The following CAMTA1 variants were observed in gnomAD, a reference collection of about 807,000 sequenced individuals.
CAMTA1 encodes calmodulin-binding transcription activator 1.
A neutral mutation model predicts 170.9 loss-of-function variants in CAMTA1; 27 were observed. That is an observed-to-expected ratio of 0.16 (90% CI 0.12 to 0.22). The LOEUF (loss-of-function observed/expected upper bound fraction) is 0.22. CAMTA1 is among the 10% of genes least tolerant of loss of function. CAMTA1 has a pLI of 1.00. For missense variants in CAMTA1, 1,619 were observed against 2,217.2 expected, an observed-to-expected ratio of 0.73 and a Z score of 5.42; for synonymous variants, 833 against 891.5, an observed-to-expected ratio of 0.93 and a Z score of 1.17.
intron 6 of CAMTA1, among the ~76,000 whole-genome samples, chr1:7,517,035 C>T (rs947021005): frequency 3.3e-5 from 5 of 152,114 alleles, no homozygotes; most frequent in Admixed American, 1.3e-4. Flanking sequence ...AACTTCTGAG[C>T]TCTTTCTGGG....
At position 7,728,089 on chromosome 1, in the gene CAMTA1, G is replaced by A. The variant is rs113860318; in HGVS notation, c.2915-4359G>A. 6.0e-4 allele frequency among the ~76,000 whole-genome samples: 92 copies of A among 152,334 alleles called. 1 individual carries two copies. In the Middle Eastern group the frequency reaches 0.01, roughly 17 times the overall value. On this transcript the variant is annotated intron_variant, in intron 11 of 22. Coordinates refer to ENST00000303635, the MANE Select transcript of CAMTA1 (RefSeq NM_015215.4). ...TAATTGCTTCTGAGTATTTTCATGA[G>A]GTGCTTCTCAGAGCAGCTTAATATC... is the stretch of plus-strand genomic sequence containing the variant.
rs1650028603 is a variant in CAMTA1 at position 7,173,187 on chromosome 1, A to G, written c.303-76304A>G. The stretch of plus-strand genomic sequence containing the variant: ...TGTCCTCTTGAGGGTCACTATGTCT[A>G]TGTTTGCATCCCAGCTTTACAGCTT... On this transcript the variant is annotated intron_variant, in intron 4 of 22. Transcript: ENST00000303635. The surrounding 1 kb of genome is among the most constrained non-coding windows in gnomAD (Gnocchi z 5.4). Among the ~76,000 whole-genome samples, 1 of 152,122 alleles carries G rather than the reference A, an allele frequency of 6.6e-6. No individual in the cohort carries two copies. The highest frequency in any genetic ancestry group is 2.1e-4 in the South Asian group (1 of 4,832).
At chr1:6,811,675 A>G (rs143996125) in intron 1 of CAMTA1, among the ~76,000 whole-genome samples, 66 of 152,144 alleles carry the variant, frequency 4.3e-4, no homozygotes, top group African/African-American at 1.4e-3. Context: ...GGTCGGAGAA[A>G]CTCTTCTCAC....
chr1:7,177,415 G>T (rs1329745066), intron 4 of CAMTA1, among the ~76,000 whole-genome samples: 1 of 139,518 alleles, frequency 7.2e-6, no homozygotes, highest in Non-Finnish European at 1.5e-5. Context: ...ACACACTGAG[G>T]CCCTTCTCAC....
At chr1:6,981,085 A>G (rs2149646813) in intron 3 of CAMTA1, among the ~76,000 whole-genome samples, 1 of 152,182 alleles carries the variant, frequency 6.6e-6, no homozygotes, top group African/African-American at 2.4e-5. Flanking sequence ...AACAGCCCCC[A>G]ATGAGCAAAC....
intron 4 of CAMTA1, among the ~76,000 whole-genome samples, chr1:7,131,009 A>G (rs1309996315): frequency 3.3e-5 from 5 of 150,810 alleles, no homozygotes; most frequent in Non-Finnish European, 7.4e-5. Flanking sequence ...GCTGGAGTGC[A>G]GTGGCACGAT....
At chr1:7,553,809 C>G (rs992410598) in intron 6 of CAMTA1, among the ~76,000 whole-genome samples, 5 of 152,094 alleles carry the variant, frequency 3.3e-5, no homozygotes, top group African/African-American at 1.2e-4. Context: ...CTCTGCAGGG[C>G]TATCTCAACA....
intron 4 of CAMTA1, among the ~76,000 whole-genome samples, chr1:7,214,174 G>T (rs898182822): frequency 6.6e-6 from 1 of 152,126 alleles, no homozygotes; most frequent in Admixed American, 6.5e-5. Flanking sequence ...GATCCCTGAG[G>T]AATCGCCACA....
rs200580545 is a variant in CAMTA1, at chr1:7,655,375, TAC to T, written c.665-6342_665-6341del. ...ACCCTTAAACAAACACACCCACCTA[TAC>T]ACACACACGTATGCACACAAATACA... On this transcript the variant is annotated intron_variant, in intron 7 of 22. Transcript: ENST00000303635. 5.7e-3 allele frequency among the ~76,000 whole-genome samples: 784 copies of T among 137,340 alleles called. 7 individuals are homozygous for T. Among genetic ancestry groups the T allele is most frequent in the African/African-American group, 0.02 (718 of 35,686 alleles). The allele number at this position is 137,340 out of a possible 152,430, so 90.1% of individuals were successfully genotyped here.
chr1:7,194,084 TG>T (rs1655063533), intron 4 of CAMTA1, among the ~76,000 whole-genome samples: 1 of 152,218 alleles, frequency 6.6e-6, no homozygotes, highest in Admixed American at 6.5e-5. Context: ...ATTTAAAGGA[TG>T]CATATTAAAA....
chr1:7,737,557 A>G lies in CAMTA1; in HGVS notation c.3645A>G (p.Ala1215=). Residue 1215 remains alanine, a synonymous_variant, in exon 15 of 23, where the codon GCA becomes GCG. Coordinates refer to ENST00000303635, the MANE Select transcript of CAMTA1 (RefSeq NM_015215.4). ...PEIPKGVTVI[A]STNPELRRPR... The stretch of plus-strand genomic sequence containing the variant: ...TACCCAAGGGAGTCACTGTTATTGC[A>G]AGCACCAACCCAGGTAAGAATTCAG... 2 of 1,608,000 alleles carry G rather than the reference A, an allele frequency of 1.2e-6. No homozygotes were observed. Among genetic ancestry groups the G allele is most frequent in the Non-Finnish European group, 1.7e-6 (2 of 1,175,992 alleles).
At chr1:7,747,270 G>A (rs1330896985) in intron 18 of CAMTA1, among the ~76,000 whole-genome samples, 1 of 152,144 alleles carries the variant, frequency 6.6e-6, no homozygotes, top group East Asian at 1.9e-4. Flanking sequence ...AAGCAGTAAA[G>A]CTTTTTCTGT....
intron 5 of CAMTA1, among the ~76,000 whole-genome samples, chr1:7,424,399 T>A (rs911064001): frequency 3.0e-5 from 4 of 133,792 alleles, no homozygotes; most frequent in African/African-American, 1.1e-4. Flanking sequence ...CGTGTCACAG[T>A]GAGGGGCCTT....
At chr1:7,449,927 A>G (rs1047375318) in intron 5 of CAMTA1, among the ~76,000 whole-genome samples, 6 of 152,116 alleles carry the variant, frequency 3.9e-5, no homozygotes, top group Non-Finnish European at 5.9e-5. Flanking sequence ...TTGATACCAC[A>G]CTTCGCAACA....
At chr1:7,104,938 T>A (rs766901719) in intron 4 of CAMTA1, among the ~76,000 whole-genome samples, 1 of 152,188 alleles carries the variant, frequency 6.6e-6, no homozygotes, top group Non-Finnish European at 1.5e-5. Context: ...AAAAAATCTC[T>A]CCCTTCACTT....
At chr1:7,142,602 G>A (rs546509369) in intron 4 of CAMTA1, among the ~76,000 whole-genome samples, 3 of 152,344 alleles carry the variant, frequency 2.0e-5, no homozygotes, top group African/African-American at 7.2e-5. Context: ...TAATGAGTGA[G>A]TTCTTGCTCT....
At chr1:7,726,324 G>A (rs1334283068) in intron 11 of CAMTA1, among the ~76,000 whole-genome samples, 1 of 152,070 alleles carries the variant, frequency 6.6e-6, no homozygotes, top group Non-Finnish European at 1.5e-5. Flanking sequence ...TGTAGTTCTG[G>A]ATCTAACATT....
chr1:7,473,267 CAG>C (rs1328219353), intron 6 of CAMTA1, among the ~76,000 whole-genome samples: 6 of 152,210 alleles, frequency 3.9e-5, no homozygotes, highest in Non-Finnish European at 8.8e-5. Context: ...GGGAGCCCTG[CAG>C]AGTTAGCCAG....
intron 3 of CAMTA1, among the ~76,000 whole-genome samples, chr1:7,001,350 A>G (rs1698183908): frequency 6.6e-6 from 1 of 152,194 alleles, no homozygotes; most frequent in African/African-American, 2.4e-5. Context: ...CTACCTCTGA[A>G]TCCCATCTCT....
Sources: gnomAD v4.1 joint callset for allele counts (sites outside exome capture counted in the v4.1 genomes callset) on GRCh38, gnomAD v4.1.1 for gene constraint, Gnocchi (gnomAD v3.1) non-coding constraint, MANE v1.5 for transcripts, NCBI Gene and HGNC (gene_info 2026-07-23, HGNC 2026-07-21) for gene names.